Variants in GPR146 observed in about 807,000 individuals in gnomAD.
GPR146 encodes G-protein coupled receptor 146.
For synonymous variants in GPR146, 203 were observed against 104.3 expected, an observed-to-expected ratio of 1.95 and a Z score of -5.77; for missense variants, 381 against 213.9, an observed-to-expected ratio of 1.78 and a Z score of -4.87.
At chr7:1,045,814 G>A (rs1782524704) in intron 1 of GPR146, 1 of 152,284 alleles carries the variant, frequency 6.6e-6, no homozygotes, top group African/African-American at 2.4e-5. Flanking sequence ...CCTTTTCACA[G>A]AGAAGAGGTC....
At chr7:1,048,848 G>A (rs1297109901) in intron 1 of GPR146, among the ~76,000 whole-genome samples, 1 of 152,198 alleles carries the variant, frequency 6.6e-6, no homozygotes, top group Non-Finnish European at 1.5e-5. Flanking sequence ...CCTGGAGCAG[G>A]TTCTCCTTCT....
rs200093242 is a variant in GPR146, at chr7:1,058,514, G to A, written c.999G>A (p.Ala333=). Residue 333 remains alanine, a synonymous_variant, in exon 2 of 2, where the codon GCG becomes GCA. Transcript: ENST00000444847. ...ACATGGGGGTGCAGCAGGTGCTGGCGTAGGCGGCCCAGCCCTCCTGGGGAG... is the reference window on the plus strand; with the variant it reads ...ACATGGGGGTGCAGCAGGTGCTGGCATAGGCGGCCCAGCCCTCCTGGGGAG... ...PDHMGVQQVL[A] The A allele has an allele frequency of 6.6e-5, 51 of 778,258 alleles. No individual in the cohort carries two copies. The highest frequency in any genetic ancestry group is 2.3e-4 in the Middle Eastern group (1 of 4,436). The allele number at this position is 778,258 out of a possible 1,614,324, so 48.2% of individuals were successfully genotyped here.
intron 1 of GPR146, chr7:1,055,412 C>G (rs1432076140): frequency 8.5e-6 from 4 of 469,058 alleles, no homozygotes; most frequent in South Asian, 1.5e-5. Context: ...GTGGCCACCT[C>G]TGTCCCGCCA....
rs1784113287 is a variant in GPR146, at chr7:1,058,447, T to C, written c.932T>C (p.Met311Thr). The change falls in exon 2 of 2, where the codon ATG becomes ACG. Residue 311 changes from methionine (M) to threonine (T), a missense_variant. Physicochemically the swap from Met to Thr is moderately conservative, Grantham distance 81. Transcript: ENST00000444847. Reference sequence around the variant, plus strand: ...TTCCCCAGCAAGCTCCAACGGCTGATGAAAAAGCTGCCCTGCGGGGACCGG... The same window carrying C: ...TTCCCCAGCAAGCTCCAACGGCTGACGAAAAAGCTGCCCTGCGGGGACCGG... Reference protein sequence around the residue: ...QSFPSKLQRLMKKLPCGDRHC... With the variant: ...QSFPSKLQRLTKKLPCGDRHC... The C allele has an allele frequency of 2.6e-6, 2 of 780,624 alleles. No individual in the cohort carries two copies. The highest frequency in any genetic ancestry group is 2.4e-6 in the Non-Finnish European group (1 of 418,108). 48.4% of individuals were successfully genotyped at this position (780,624 alleles called of 1,614,324 possible).
chr7:1,048,119 G>T (rs572319157), intron 1 of GPR146, among the ~76,000 whole-genome samples: 76 of 152,288 alleles, frequency 5.0e-4, no homozygotes, highest in Non-Finnish European at 9.7e-4. Flanking sequence ...AAAATGTCAA[G>T]GACGAGCCAG....
At chr7:1,055,203 C>T (rs1342305480) in intron 1 of GPR146, 22 of 469,342 alleles carry the variant, frequency 4.7e-5, no homozygotes, top group African/African-American at 1.0e-4. Flanking sequence ...TTCTGGAACC[C>T]GGCTGTAAAC....
Position 1,057,938 on chromosome 7 carries a change from G to C in GPR146, c.423G>C (p.Val141=), listed in dbSNP as rs758734569. 9 of 773,688 alleles carry C rather than the reference G, an allele frequency of 1.2e-5. No homozygotes were observed. In the African/African-American group the frequency reaches 1.4e-4, roughly 12 times the overall value. The allele number at this position is 773,688 out of a possible 1,614,324, so 47.9% of individuals were successfully genotyped here. Residue 141 remains valine (V), a synonymous_variant, in exon 2 of 2, where the codon GTG becomes GTC. Transcript: ENST00000444847. ...TGCCGCGGACCTACATGGCCAGCGTGTACAACACGCGGCACGTGTGCGGCT... is the reference window on the plus strand; with the variant it reads ...TGCCGCGGACCTACATGGCCAGCGTCTACAACACGCGGCACGTGTGCGGCT... ...RALPRTYMAS[V]YNTRHVCGFV... is the part of the protein sequence containing the mutation.
chr7:1,058,580 C>T lies in GPR146; in HGVS notation c.*63C>T, dbSNP rs1011097085. The T allele has an allele frequency of 2.1e-4, 145 of 691,926 alleles. 1 individual carries two copies. Among genetic ancestry groups the T allele is most frequent in the Admixed American group, 6.7e-4 (30 of 44,964 alleles). 42.9% of individuals were successfully genotyped at this position (691,926 alleles called of 1,614,324 possible). ...ACGCAGAGCACTTAGTTACCCTGGA[C>T]GCTCCCCACATCCTTCCAGAAGGAG... is the stretch of plus-strand genomic sequence containing the variant. On this transcript the variant is annotated 3_prime_UTR_variant, in exon 2 of 2. Transcript: ENST00000444847.
intron 1 of GPR146, among the ~76,000 whole-genome samples, chr7:1,048,853 C>T (rs919088917): frequency 3.3e-5 from 5 of 152,208 alleles, no homozygotes; most frequent in African/African-American, 1.2e-4. Flanking sequence ...AGCAGGTTCT[C>T]CTTCTCAGTC....
rs150866891 is a variant in GPR146, at chr7:1,058,010, C to T, written c.495C>T (p.Phe165=). 221 of 770,092 alleles carry T rather than the reference C, an allele frequency of 2.9e-4. No individual in the cohort carries two copies. The African/African-American group carries it at 3.4e-3, about 12-fold the overall frequency. The allele number at this position is 770,092 out of a possible 1,614,324, so 47.7% of individuals were successfully genotyped here. A position where few individuals can be genotyped will look rare whatever the true frequency, so the allele number is the denominator to read the frequency against. Residue 165 remains phenylalanine (F), a synonymous_variant, in exon 2 of 2, where the codon TTC becomes TTT. Transcript: ENST00000444847. ...TGACCAGCTTCTCCTCGCTGCTCTT[C>T]TACATCTGCAGCCATGTGTCCACCC... ...ALLTSFSSLL[F]YICSHVSTRA...
intron 1 of GPR146, among the ~76,000 whole-genome samples, chr7:1,050,164 G>A (rs1782962561): frequency 6.6e-6 from 1 of 152,242 alleles, no homozygotes; most frequent in South Asian, 2.1e-4. Context: ...ACAGGGGCCA[G>A]CACCACTGGG....
At chr7:1,050,960 C>T (rs1394857909) in intron 1 of GPR146, among the ~76,000 whole-genome samples, 5 of 152,232 alleles carry the variant, frequency 3.3e-5, no homozygotes, top group African/African-American at 7.2e-5. Context: ...GCGGCCATGC[C>T]GTCAGAGAGG....
At chr7:1,054,016 G>T (rs889046782) in intron 1 of GPR146, among the ~76,000 whole-genome samples, 1 of 152,194 alleles carries the variant, frequency 6.6e-6, no homozygotes, top group Admixed American at 6.5e-5. Flanking sequence ...GGCCGAGGAA[G>T]GGGTTTCCTC....
chr7:1,058,495 G>T lies in GPR146; in HGVS notation c.980G>T (p.Gly327Val). The T allele has an allele frequency of 1.3e-6, 1 of 779,828 alleles. No individual in the cohort carries two copies. Among genetic ancestry groups the T allele is most frequent in the Non-Finnish European group, 2.4e-6 (1 of 417,940 alleles). 48.3% of individuals were successfully genotyped at this position (779,828 alleles called of 1,614,324 possible). Residue 327 changes from glycine (G) to valine (V), a missense_variant, in exon 2 of 2, where the codon GGG becomes GTG. Coordinates refer to ENST00000444847, the MANE Select transcript of GPR146 (RefSeq NM_001303473.2). ...CGGCACTGCTCCCCGGACCACATGGGGGTGCAGCAGGTGCTGGCGTAGGCG... is the reference window on the plus strand; with the variant it reads ...CGGCACTGCTCCCCGGACCACATGGTGGTGCAGCAGGTGCTGGCGTAGGCG... ...GDRHCSPDHM[G>V]VQQVLA
chr7:1,050,133 G>C (rs1472284161), intron 1 of GPR146, among the ~76,000 whole-genome samples: 1 of 152,214 alleles, frequency 6.6e-6, no homozygotes, highest in Non-Finnish European at 1.5e-5. Flanking sequence ...CAGGCCTACG[G>C]GCTCAGGGCT....
chr7:1,047,969 A>G (rs1301258641), intron 1 of GPR146, among the ~76,000 whole-genome samples: 1 of 152,112 alleles, frequency 6.6e-6, no homozygotes, highest in Non-Finnish European at 1.5e-5. Flanking sequence ...GCACACATAA[A>G]AACTTCCCCT....
chr7:1,053,184 G>A (rs1563050972), intron 1 of GPR146, among the ~76,000 whole-genome samples: 1 of 150,440 alleles, frequency 6.6e-6, no homozygotes, highest in East Asian at 2.2e-4. Flanking sequence ...GGAGACCACG[G>A]ACAGGCAAGG....
chr7:1,053,348 G>A (rs562823878), intron 1 of GPR146, among the ~76,000 whole-genome samples: 4 of 152,376 alleles, frequency 2.6e-5, no homozygotes, highest in South Asian at 4.1e-4. Flanking sequence ...AGAACCTTGC[G>A]CAGGACAGGA....
intron 1 of GPR146, among the ~76,000 whole-genome samples, chr7:1,051,227 A>G (rs1783082550): frequency 6.6e-6 from 1 of 152,110 alleles, no homozygotes; most frequent in Admixed American, 6.5e-5. Context: ...TCCCATGAAC[A>G]CTGTGTCCCA....
Sources: gnomAD v4.1 joint callset for allele counts (sites outside exome capture counted in the v4.1 genomes callset) on GRCh38, gnomAD v4.1.1 for gene constraint, MANE v1.5 for transcripts, NCBI Gene and HGNC (gene_info 2026-07-23, HGNC 2026-07-21) for gene names.